The following AZGP1 variants were observed in gnomAD, a reference collection of about 807,000 sequenced individuals.
The protein encoded by AZGP1 is alpha-2-glycoprotein 1, zinc-binding.
AZGP1 carries 28 observed loss-of-function variants against 31.5 expected under a neutral mutation model. The observed-to-expected ratio is 0.89, with a 90% CI of 0.66 to 1.22. AZGP1 has a LOEUF of 1.22. Among genes scored for constraint, AZGP1 ranks in the 50% most tolerant of loss-of-function variants. The probability of loss-of-function intolerance (pLI) is 0.00; values close to 1 mark genes in which losing one functional copy is unlikely to be tolerated. For missense variants in AZGP1, 361 were observed against 371.8 expected, an observed-to-expected ratio of 0.97 and a Z score of 0.24; for synonymous variants, 135 against 145.4, an observed-to-expected ratio of 0.93 and a Z score of 0.51.
Position 99,967,123 on chromosome 7 carries a change from A to G in AZGP1, c.777T>C (p.Asn259=), listed in dbSNP as rs761577322. Residue 259 remains asparagine, a synonymous_variant, in exon 4 of 4, where the codon AAT becomes AAC. Transcript: ENST00000292401. ...ELRGDVLHNG[N]GTYQSWVVVA... ...CCACCACCCAGGACTGGTAAGTGCC[A>G]TTTCCATTGTGAAGAACATCTCCCC... The G allele has an allele frequency of 4.3e-6, 7 of 1,613,982 alleles. No homozygotes were observed. Among genetic ancestry groups the G allele is most frequent in the African/African-American group, 2.7e-5 (2 of 74,884 alleles).
chr7:99,968,431 C>T lies in AZGP1; in HGVS notation c.338-1G>A. 6.2e-7 allele frequency: 1 copy of T among 1,613,440 alleles called. No homozygotes were observed. The highest frequency in any genetic ancestry group is 8.5e-7 in the Non-Finnish European group (1 of 1,179,882). On this transcript the variant is annotated splice_acceptor_variant, in intron 2 of 3. Coordinates refer to ENST00000292401, the MANE Select transcript of AZGP1 (RefSeq NM_001185.4). LOFTEE classifies it high-confidence loss of function. ...AACCTTCCCTGCAATACGTGAGACC[C>T]TGAAAACTCCCCCGACCCCACAGAG...
At chr7:99,971,651 G>A in intron 2 of AZGP1, 95 bp downstream of exon 2, 1 of 1,434,278 alleles carries the variant, frequency 7.0e-7, no homozygotes, top group Non-Finnish European at 9.5e-7. Flanking sequence ...CCTGGGATTG[G>A]GACTATTTCC....
Position 99,971,974 on chromosome 7 carries a change from G to T in AZGP1, c.109C>A (p.Leu37Met). 1 of 1,613,796 alleles carries T rather than the reference G, an allele frequency of 6.2e-7. No individual in the cohort carries two copies. The highest frequency in any genetic ancestry group is 8.5e-7 in the Non-Finnish European group (1 of 1,179,858). The change falls in exon 2 of 4, where the codon CTG becomes ATG. Residue 37 changes from leucine to methionine, a missense_variant. Physicochemically the swap from Leu to Met is conservative, Grantham distance 15 (BLOSUM62 2). Transcript: ENST00000292401. The stretch of plus-strand genomic sequence containing the variant: ...GGGACGTCTTCAACATGCTTGGACA[G>T]CCCAGTGTAGATATAGGTCAGAGAG... The part of the protein sequence containing the change: ...RYSLTYIYTG[L>M]SKHVEDVPAF...
chr7:99,974,405 A>G (rs1789626359), intron 1 of AZGP1, among the ~76,000 whole-genome samples: 2 of 151,728 alleles, frequency 1.3e-5, no homozygotes, highest in East Asian at 3.9e-4. Context: ...GGCCAACATG[A>G]TGAAACCCGT....
At chr7:99,972,163 T>A (rs570769971) in intron 1 of AZGP1, among the ~76,000 whole-genome samples, 157 bp from the exon 2 acceptor site, 3 of 152,336 alleles carry the variant, frequency 2.0e-5, no homozygotes, top group African/African-American at 7.2e-5. Flanking sequence ...CAAGTGAATA[T>A]GCTCTACTTT....
chr7:99,972,895 A>C (rs1370929562), intron 1 of AZGP1, among the ~76,000 whole-genome samples: 1 of 152,114 alleles, frequency 6.6e-6, no homozygotes, highest in Admixed American at 6.6e-5. Flanking sequence ...AGGCGGGTGG[A>C]TCACGAGGTC....
chr7:99,973,653 T>C (rs1428077912), intron 1 of AZGP1, among the ~76,000 whole-genome samples: 10 of 151,980 alleles, frequency 6.6e-5, no homozygotes, highest in African/African-American at 2.4e-4. Flanking sequence ...TGGTGGCTCA[T>C]GCCTGTAATT....
chr7:99,970,232 TC>T (rs1208743762), intron 2 of AZGP1, among the ~76,000 whole-genome samples: 4 of 120,784 alleles, frequency 3.3e-5, no homozygotes, highest in African/African-American at 1.4e-4. Context: ...TACTATTATT[TC>T]CTTTTTTTGT....
At chr7:99,974,379 A>G (rs1193690641) in intron 1 of AZGP1, among the ~76,000 whole-genome samples, 1 of 151,974 alleles carries the variant, frequency 6.6e-6, no homozygotes, top group African/African-American at 2.4e-5. Context: ...CGAGGTCAGG[A>G]TATCAAGACT....
At chr7:99,967,995 A>T in intron 3 of AZGP1, 160 bp downstream of exon 3, 17 of 1,040,826 alleles carry the variant, frequency 1.6e-5, no homozygotes, top group Non-Finnish European at 2.4e-5. Context: ...ACCACAAATT[A>T]TATTATCCCA....
At chr7:99,971,619 C>G in intron 2 of AZGP1, 127 bp downstream of exon 2, 1 of 1,228,692 alleles carries the variant, frequency 8.1e-7, no homozygotes. Context: ...GTCTGTGTTT[C>G]TGCTGTGTCT....
At chr7:99,968,962 C>CAAAAAAAAAA (rs869115613) in intron 2 of AZGP1, among the ~76,000 whole-genome samples, 572 of 26,702 alleles carry the variant, frequency 0.021, 222 homozygotes, top group Non-Finnish European at 0.023. Flanking sequence ...GACCCTATCT[C>CAAAAAAAAAA]AAAAAAAAAA....
chr7:99,968,799 C>A, intron 2 of AZGP1: 1 of 240,230 alleles, frequency 4.2e-6, no homozygotes, highest in Non-Finnish European at 8.0e-6. Context: ...CCCACCACTA[C>A]AAAAAATATA....
intron 2 of AZGP1, 78 bp downstream of exon 2, chr7:99,971,668 C>A: frequency 1.3e-6 from 2 of 1,509,446 alleles, no homozygotes; most frequent in Non-Finnish European, 1.8e-6. Context: ...TTCCATCCTG[C>A]TGATCCCTTG....
chr7:99,971,181 G>C (rs1403818337), intron 2 of AZGP1, among the ~76,000 whole-genome samples: 1 of 152,260 alleles, frequency 6.6e-6, no homozygotes, highest in Admixed American at 6.5e-5. Context: ...TGTGCTAGGT[G>C]ATGGAGCTGC....
Position 99,971,830 on chromosome 7 carries a change from G to T in AZGP1, c.253C>A (p.Gln85Lys), listed in dbSNP as rs777774968. 6.2e-7 allele frequency: 1 copy of T among 1,614,074 alleles called. No individual in the cohort carries two copies. The highest frequency in any genetic ancestry group is 8.5e-7 in the Non-Finnish European group (1 of 1,179,984). Residue 85 changes from glutamine (Q) to lysine (K), a missense_variant, in exon 2 of 4, where the codon CAG becomes AAG. Physicochemically the swap from Gln to Lys is moderately conservative, Grantham distance 53. Transcript: ENST00000292401. ...RQVEGMEDWK[Q>K]DSQLQKARED... Reference sequence around the variant, plus strand: ...CTGGCCTTCTGAAGTTGGCTGTCCTGCTTCCAATCCTCCATTCCTTCCACC... The same window carrying T: ...CTGGCCTTCTGAAGTTGGCTGTCCTTCTTCCAATCCTCCATTCCTTCCACC...
chr7:99,971,915 G>T lies in AZGP1; in HGVS notation c.168C>A (p.Leu56=). 1 of 1,614,112 alleles carries T rather than the reference G, an allele frequency of 6.2e-7. No individual in the cohort carries two copies. The highest frequency in any genetic ancestry group is 8.5e-7 in the Non-Finnish European group (1 of 1,180,006). ...AFQALGSLND[L]QFFRYNSKDR... ...CTTTACTGTTGTATCTAAAGAACTG[G>T]AGGTCATTGAGTGAGCCAAGGGCCT... Residue 56 remains leucine, a synonymous_variant, in exon 2 of 4, where the codon CTC becomes CTA. Transcript: ENST00000292401.
intron 2 of AZGP1, among the ~76,000 whole-genome samples, chr7:99,969,276 G>A (rs1373949049): frequency 6.6e-6 from 1 of 152,058 alleles, no homozygotes; most frequent in Non-Finnish European, 1.5e-5. Flanking sequence ...GGGTGTGCTG[G>A]CACATGCCTG....
At chr7:99,972,062 C>T in intron 1 of AZGP1, 56 bp from the exon 2 acceptor site, 1 of 1,535,496 alleles carries the variant, frequency 6.5e-7, no homozygotes, top group Non-Finnish European at 8.7e-7. Flanking sequence ...CACTGTGGGG[C>T]TGCATAGGGC....
Sources: allele counts gnomAD v4.1 joint callset (sites outside exome capture counted in the v4.1 genomes callset), GRCh38; gene constraint gnomAD v4.1.1; transcripts MANE v1.5; gene names NCBI Gene and HGNC (gene_info 2026-07-23, HGNC 2026-07-21).